SPECC1: variants seen among roughly 807,000 people sequenced by gnomAD.
SPECC1 encodes the protein cytospin-B.
Under a neutral mutation model 104.1 loss-of-function variants are expected in SPECC1, and 62 were observed. That is an observed-to-expected ratio of 0.60 (90% CI 0.49 to 0.74). The LOEUF (loss-of-function observed/expected upper bound fraction) is 0.74. SPECC1 is among the 30% of genes least tolerant of loss of function. The pLI is 0.00. For missense variants in SPECC1, 1,306 were observed against 1,310.5 expected (o/e 1.00, Z 0.05); for synonymous variants, 513 against 501.6 (o/e 1.02, Z -0.30).
At chr17:20,073,852 T>C (rs1197711168) in intron 1 of SPECC1, among the ~76,000 whole-genome samples, 1 of 152,178 alleles carries the variant, frequency 6.6e-6, no homozygotes. Flanking sequence ...CCGTGGTGCA[T>C]GGACTGGATA....
At chr17:20,058,249 A>G (rs918271978) in intron 1 of SPECC1, among the ~76,000 whole-genome samples, 1 of 152,282 alleles carries the variant, frequency 6.6e-6, no homozygotes, top group African/African-American at 2.4e-5. Flanking sequence ...TATCACATGT[A>G]TTTCAGTATG....
At chr17:20,251,835 CG>C (rs2039644301) in intron 9 of SPECC1, among the ~76,000 whole-genome samples, 1 of 152,132 alleles carries the variant, frequency 6.6e-6, no homozygotes, top group Non-Finnish European at 1.5e-5. Context: ...GAGGTAAGTA[CG>C]TTTAGTATCG....
chr17:20,140,123 A>G (rs1173952925), intron 3 of SPECC1, among the ~76,000 whole-genome samples: 3 of 152,164 alleles, frequency 2.0e-5, no homozygotes, highest in African/African-American at 4.8e-5. Context: ...CGGCCCATCA[A>G]TTGAAAAAGT....
chr17:20,055,146 C>G (rs1387783940), intron 1 of SPECC1, among the ~76,000 whole-genome samples: 1 of 152,116 alleles, frequency 6.6e-6, no homozygotes, highest in Non-Finnish European at 1.5e-5. Context: ...ATGAATTTGT[C>G]TATTTTTGGT....
At position 20,180,543 on chromosome 17, in the gene SPECC1, G is replaced by A. The variant is rs146619157; in HGVS notation, c.284-23790G>A. ...TTATGTGTCTTTTCTAATTTGACGG[G>A]TCAGCTAAGCTAAATTGCCAACTTG... On this transcript the variant is annotated intron_variant, in intron 3 of 14. Coordinates refer to ENST00000395527, the MANE Select transcript of SPECC1 (RefSeq NM_001243439.2). Among the ~76,000 whole-genome samples the A allele has an allele frequency of 4.7e-4, 72 of 152,328 alleles. No homozygotes were observed. In the East Asian group the frequency reaches 0.014, roughly 29 times the overall value.
intron 12 of SPECC1, among the ~76,000 whole-genome samples, chr17:20,286,561 T>C (rs1372618720): frequency 1.3e-5 from 2 of 152,172 alleles, no homozygotes; most frequent in Non-Finnish European, 2.9e-5. Flanking sequence ...ATGAGACTTT[T>C]CACCTCCATC....
At chr17:20,119,318 C>T (rs947918322) in intron 3 of SPECC1, among the ~76,000 whole-genome samples, 7 of 152,190 alleles carry the variant, frequency 4.6e-5, no homozygotes, top group African/African-American at 1.7e-4. Flanking sequence ...CCACAACCTC[C>T]GCCTCCTGAG....
intron 4 of SPECC1, among the ~76,000 whole-genome samples, chr17:20,216,155 G>A (rs1443621568): frequency 2.0e-5 from 3 of 152,164 alleles, no homozygotes; most frequent in East Asian, 3.9e-4. Context: ...CCTACCCTTG[G>A]TCAAACCATC....
chr17:20,158,964 G>GTT lies in SPECC1; in HGVS notation c.284-45359_284-45358dup, dbSNP rs565445737. 1.6e-3 allele frequency among the ~76,000 whole-genome samples: 233 copies of GTT among 143,652 alleles called. 1 individual carries two copies. The highest frequency in any genetic ancestry group is 0.013 in the South Asian group (60 of 4,482). The allele number at this position is 143,652 out of a possible 152,430, so 94.2% of individuals were successfully genotyped here. A position where few individuals can be genotyped will look rare whatever the true frequency, so the allele number is the denominator to read the frequency against. On this transcript the variant is annotated intron_variant, in intron 3 of 14. Coordinates refer to ENST00000395527, the MANE Select transcript of SPECC1 (RefSeq NM_001243439.2). ...GAGATGGGATTTTGTTTTTGTTTTTGTTTTTTTTTTTGAGATGGAGGCTTG... is the reference window on the plus strand; with the variant it reads ...GAGATGGGATTTTGTTTTTGTTTTTGTTTTTTTTTTTTTGAGATGGAGGCTTG...
chr17:20,158,505 A>T (rs930921749), intron 3 of SPECC1, among the ~76,000 whole-genome samples: 1 of 152,154 alleles, frequency 6.6e-6, no homozygotes, highest in Non-Finnish European at 1.5e-5. Context: ...GCCTCAGATA[A>T]TGATGCAGAC....
intron 7 of SPECC1, among the ~76,000 whole-genome samples, chr17:20,240,240 T>C (rs576447467): frequency 1.1e-4 from 17 of 151,722 alleles, no homozygotes; most frequent in South Asian, 4.2e-4. Context: ...TCTTTGTATG[T>C]TTACTAACCA....
intron 3 of SPECC1, among the ~76,000 whole-genome samples, chr17:20,137,159 A>G (rs1221635739): frequency 1.3e-5 from 2 of 152,258 alleles, no homozygotes; most frequent in East Asian, 3.9e-4. Context: ...CCCTATTTTC[A>G]GTTTCTATAT....
intron 1 of SPECC1, among the ~76,000 whole-genome samples, chr17:20,055,469 C>A (rs536708765): frequency 6.6e-6 from 1 of 152,332 alleles, no homozygotes; most frequent in South Asian, 2.1e-4. Context: ...TACATCCTCA[C>A]CAATACTTGC....
rs762963498 is a variant in SPECC1 at position 20,110,527 on chromosome 17, C to T, written c.248C>T (p.Ser83Leu). Residue 83 changes from serine to leucine, a missense_variant, in exon 3 of 15, where the codon TCG becomes TTG. Around this residue, in one of 2 missense-constraint regions of SPECC1, gnomAD observed 1,177 missense variants for 1,139.9 expected, o/e 1.03. Coordinates refer to ENST00000395527, the MANE Select transcript of SPECC1 (RefSeq NM_001243439.2). ...AAGACCGCCACTGCCGGAGCCATCT[C>T]GGAGCTCACGGAGAGCCGCCTGAGG... ...LKKTATAGAI[S>L]ELTESRLRSG... 1.1e-5 allele frequency: 18 copies of T among 1,613,714 alleles called. No homozygotes were observed. The highest frequency in any genetic ancestry group is 3.4e-4 in the Middle Eastern group (2 of 5,916).
intron 9 of SPECC1, 37 bp from the exon 10 acceptor site, chr17:20,253,468 T>TA: frequency 6.2e-7 from 1 of 1,605,996 alleles, no homozygotes; most frequent in African/African-American, 1.3e-5. Context: ...CTTGATGTTA[T>TA]GAGCTCACCG....
intron 3 of SPECC1, among the ~76,000 whole-genome samples, chr17:20,124,266 C>G (rs369122894): frequency 1.1e-4 from 16 of 152,072 alleles, no homozygotes; most frequent in East Asian, 3.9e-4. Flanking sequence ...GGGGAAGCAA[C>G]AGTCATAGGT....
At chr17:20,201,264 A>C (rs1442280802) in intron 3 of SPECC1, among the ~76,000 whole-genome samples, 1 of 152,016 alleles carries the variant, frequency 6.6e-6, no homozygotes, top group African/African-American at 2.4e-5. Context: ...GATCGAGACC[A>C]GCCTGGCCAA....
At chr17:20,129,705 A>T (rs570666999) in intron 3 of SPECC1, among the ~76,000 whole-genome samples, 1 of 151,002 alleles carries the variant, frequency 6.6e-6, no homozygotes, top group East Asian at 1.9e-4. Flanking sequence ...TGATGTCAAA[A>T]TTCTTTGCCT....
intron 3 of SPECC1, chr17:20,112,497 G>T (rs2048541952): frequency 2.6e-6 from 2 of 767,584 alleles, no homozygotes; most frequent in Non-Finnish European, 4.8e-6. Flanking sequence ...TTGAACTTCA[G>T]TGGTGCTGAT....
Sources: allele counts gnomAD v4.1 joint callset (sites outside exome capture counted in the v4.1 genomes callset), GRCh38; gene constraint gnomAD v4.1.1; regional missense constraint gnomAD v4.1.1; transcripts MANE v1.5; gene names NCBI Gene and HGNC (gene_info 2026-07-23, HGNC 2026-07-21).